IMMP2L: variants seen among roughly 807,000 people sequenced by gnomAD.
IMMP2L encodes the protein mitochondrial inner membrane protease subunit 2.
IMMP2L carries 18 observed loss-of-function variants against 19.3 expected under a neutral mutation model. The observed-to-expected ratio is 0.93, with a 90% CI of 0.64 to 1.38. IMMP2L has a LOEUF of 1.38. IMMP2L is among the 40% of genes most tolerant of loss of function. IMMP2L has a pLI of 0.00. For synonymous variants in IMMP2L, 76 were observed against 73.0 expected, an observed-to-expected ratio of 1.04 and a Z score of -0.21; for missense variants, 233 against 218.2, an observed-to-expected ratio of 1.07 and a Z score of -0.43.
chr7:111,256,607 C>A (rs1816724419), intron 3 of IMMP2L, among the ~76,000 whole-genome samples: 1 of 152,008 alleles, frequency 6.6e-6, no homozygotes. Flanking sequence ...CAGATTTTCA[C>A]TATATGTCCA....
chr7:111,328,808 C>T (rs1320535816), intron 3 of IMMP2L, among the ~76,000 whole-genome samples: 3 of 151,748 alleles, frequency 2.0e-5, no homozygotes, highest in Non-Finnish European at 4.4e-5. Flanking sequence ...TCAACGTGCC[C>T]TTGGACTTAC....
At chr7:111,559,625 A>T (rs1276076931) in intron 1 of IMMP2L, among the ~76,000 whole-genome samples, 4 of 152,190 alleles carry the variant, frequency 2.6e-5, no homozygotes, top group African/African-American at 9.6e-5. Context: ...GAGGCTTAAC[A>T]GCTATAGGAA....
intron 3 of IMMP2L, among the ~76,000 whole-genome samples, chr7:111,341,369 A>C (rs1826991937): frequency 6.6e-6 from 1 of 152,134 alleles, no homozygotes; most frequent in Non-Finnish European, 1.5e-5. Context: ...AATACTCAGC[A>C]AACATAATGA....
At chr7:110,751,747 T>C in intron 5 of IMMP2L, among the ~76,000 whole-genome samples, 1 of 152,038 alleles carries the variant, frequency 6.6e-6, no homozygotes, top group East Asian at 1.9e-4. Context: ...ACTTCTAAAT[T>C]AATGGCTTTC....
intron 4 of IMMP2L, among the ~76,000 whole-genome samples, chr7:110,950,909 AAT>A (rs140171036): frequency 7.0e-6 from 1 of 142,884 alleles, no homozygotes; most frequent in Admixed American, 7.1e-5. Context: ...ATATATGCCA[AAT>A]ATATATATAT....
intron 3 of IMMP2L, among the ~76,000 whole-genome samples, chr7:111,050,481 T>A (rs1309524060): frequency 6.6e-6 from 1 of 152,196 alleles, no homozygotes; most frequent in East Asian, 1.9e-4. Context: ...CCACTCTCTC[T>A]CACCCCGTTT....
At chr7:111,280,993 C>A (rs182414081) in intron 3 of IMMP2L, among the ~76,000 whole-genome samples, 1 of 151,656 alleles carries the variant, frequency 6.6e-6, no homozygotes, top group East Asian at 1.9e-4. Context: ...TGGCGTGAAC[C>A]CAGTAGGCAG....
At chr7:111,282,886 T>A (rs949298845) in intron 3 of IMMP2L, among the ~76,000 whole-genome samples, 9 of 152,146 alleles carry the variant, frequency 5.9e-5, no homozygotes, top group Non-Finnish European at 1.3e-4. Context: ...GCCTGGCCAA[T>A]AACTCACTTT....
At chr7:111,416,374 TTAAA>T (rs1186429993) in intron 3 of IMMP2L, among the ~76,000 whole-genome samples, 1 of 151,860 alleles carries the variant, frequency 6.6e-6, no homozygotes, top group East Asian at 1.9e-4. Context: ...TTTCTATCAA[TTAAA>T]TATTCAGGAA....
At chr7:110,883,085 T>G (rs537999928) in intron 5 of IMMP2L, among the ~76,000 whole-genome samples, 1 of 152,306 alleles carries the variant, frequency 6.6e-6, no homozygotes, top group Non-Finnish European at 1.5e-5. Flanking sequence ...AAGTGAACAT[T>G]TTTTTGCGCT....
chr7:110,751,383 T>A (rs1797708662), intron 5 of IMMP2L, among the ~76,000 whole-genome samples: 1 of 151,982 alleles, frequency 6.6e-6, no homozygotes, highest in Admixed American at 6.6e-5. Context: ...TTTTCCATTG[T>A]CTAGATGTTT....
At chr7:111,235,055 G>T (rs921470776) in intron 3 of IMMP2L, among the ~76,000 whole-genome samples, 2 of 152,064 alleles carry the variant, frequency 1.3e-5, no homozygotes, top group African/African-American at 4.8e-5. Flanking sequence ...TCTGTCTGAA[G>T]AACTTTTTTT....
chr7:110,776,822 G>A (rs1799421696), intron 5 of IMMP2L, among the ~76,000 whole-genome samples: 2 of 151,944 alleles, frequency 1.3e-5, no homozygotes, highest in African/African-American at 4.8e-5. Context: ...GCCTCAAGTT[G>A]AAAAGACTAC....
intron 4 of IMMP2L, among the ~76,000 whole-genome samples, chr7:110,886,897 A>G (rs1241300541): frequency 6.6e-6 from 1 of 152,154 alleles, no homozygotes; most frequent in African/African-American, 2.4e-5. Context: ...TTATATTTCT[A>G]TAGGTAAGAA....
In IMMP2L at chr7:111,223,311, C is replaced by T. The variant is rs187215113; in HGVS notation, c.240-259746G>A. On this transcript the variant is annotated intron_variant, in intron 3 of 5. Coordinates refer to ENST00000405709, the MANE Select transcript of IMMP2L (RefSeq NM_032549.4). ...GCAGAGCTAGAAAAATGTTAAAATA[C>T]GATAAAACTGGATGCTGCAAACATG... is the stretch of plus-strand genomic sequence containing the variant. Among the ~76,000 whole-genome samples, 4 of 150,988 alleles carry T rather than the reference C, an allele frequency of 2.6e-5. No homozygotes were observed. In the East Asian group the frequency reaches 5.8e-4, roughly 22 times the overall value.
intron 3 of IMMP2L, among the ~76,000 whole-genome samples, chr7:111,463,788 C>T (rs1366957845): frequency 6.6e-6 from 1 of 152,208 alleles, no homozygotes; most frequent in African/African-American, 2.4e-5. Flanking sequence ...ATTCATTAAA[C>T]TCTCTTCATT....
chr7:110,694,644 A>C (rs976950789), intron 5 of IMMP2L, among the ~76,000 whole-genome samples: 3 of 151,836 alleles, frequency 2.0e-5, no homozygotes, highest in Non-Finnish European at 2.9e-5. Context: ...AAAGAGGAGG[A>C]GAGAGAGAGA....
chr7:111,211,515 T>C (rs1451384954), intron 3 of IMMP2L, among the ~76,000 whole-genome samples: 1 of 152,208 alleles, frequency 6.6e-6, no homozygotes, highest in Admixed American at 6.5e-5. Flanking sequence ...CTATTTAATC[T>C]GTAAGAAACA....
intron 4 of IMMP2L, among the ~76,000 whole-genome samples, chr7:110,916,619 C>A (rs1466033446): frequency 6.6e-6 from 1 of 152,148 alleles, no homozygotes; most frequent in Non-Finnish European, 1.5e-5. Context: ...TTCCTCCATC[C>A]CCACACAGAT....
Sources: gnomAD v4.1 joint callset for allele counts (sites outside exome capture counted in the v4.1 genomes callset) on GRCh38, gnomAD v4.1.1 for gene constraint, MANE v1.5 for transcripts, NCBI Gene and HGNC (gene_info 2026-07-23, HGNC 2026-07-21) for gene names.